OR4P4: variants seen among roughly 807,000 people sequenced by gnomAD.
OR4P4 encodes the protein olfactory receptor 4P4.
In OR4P4, 1 loss-of-function variant was observed where a neutral mutation model predicts 2.1. The observed-to-expected ratio is 0.47, with a 90% CI of 0.17 to 2.21. The LOEUF is 2.21. Ranked by LOEUF, OR4P4 falls within the 30% of genes most tolerant of loss-of-function variation. The probability of loss-of-function intolerance (pLI) is 0.27; values close to 1 mark genes in which losing one functional copy is unlikely to be tolerated. For synonymous variants in OR4P4, 129 were observed against 133.2 expected, an observed-to-expected ratio of 0.97 and a Z score of 0.22; for missense variants, 375 against 376.5, an observed-to-expected ratio of 1.00 and a Z score of 0.03.
At position 55,639,206 on chromosome 11, in the gene OR4P4, C is replaced by T; in HGVS notation, c.849C>T (p.Leu283=). The change falls in exon 2 of 2, where the codon CTC becomes CTT. Residue 283 remains leucine (L), a synonymous_variant. Coordinates refer to ENST00000641760, the Ensembl canonical transcript of OR4P4. ...TCATTGCTCCCATGTTCAACCCTCT[C>T]ATATACACGCTGAGAAACACAGAGA... 3.4e-6 allele frequency: 5 copies of T among 1,488,662 alleles called. 1 individual carries two copies. Among genetic ancestry groups the T allele is most frequent in the Non-Finnish European group, 4.6e-6 (5 of 1,093,674 alleles). 92.2% of individuals were successfully genotyped at this position (1,488,662 alleles called of 1,614,324 possible).
Position 55,636,585 on chromosome 11 carries a change from G to A in OR4P4, c.-31+1369G>A, listed in dbSNP as rs377569299. On this transcript the variant is annotated intron_variant, in intron 1 of 1. Transcript: ENST00000641760. ...CTTTCACATGGACATATGGTGAGAG[G>A]GTTATAAATTCAGACTTTGGAGTCA... Among the ~76,000 whole-genome samples the A allele has an allele frequency of 2.6e-4, 36 of 136,882 alleles. 4 individuals are homozygous for A. Among genetic ancestry groups the A allele is most frequent in the African/African-American group, 8.0e-4 (32 of 39,752 alleles). The allele number at this position is 136,882 out of a possible 152,430, so 89.8% of individuals were successfully genotyped here. A position where few individuals can be genotyped will look rare whatever the true frequency, so the allele number is the denominator to read the frequency against.
At chr11:55,639,065 C>T in exon 2 of OR4P4, 1 of 1,491,578 alleles carries the variant, frequency 6.7e-7, no homozygotes, top group Non-Finnish European at 9.1e-7. Flanking sequence ...AAGCTCTTGC[C>T]ACTTGTAGTT....
intron 1 of OR4P4, among the ~76,000 whole-genome samples, chr11:55,637,529 A>C (rs573223551): frequency 7.3e-6 from 1 of 137,552 alleles, no homozygotes; most frequent in African/African-American, 2.5e-5. Flanking sequence ...GTCTTCTTGA[A>C]ATTTCAATTT....
At chr11:55,638,238 G>A in intron 1 of OR4P4, 90 bp from the exon 2 acceptor site, 1 of 563,122 alleles carries the variant, frequency 1.8e-6, no homozygotes, top group South Asian at 2.8e-5. Context: ...CTTGAATGAG[G>A]TAAATTAAAT....
chr11:55,639,134 G>T lies in OR4P4; in HGVS notation c.777G>T (p.Pro259=), dbSNP rs757510641. 4.0e-6 allele frequency: 6 copies of T among 1,493,030 alleles called. 1 individual carries two copies. The highest frequency in any genetic ancestry group is 1.4e-5 in the African/African-American group (1 of 72,650). 92.5% of individuals were successfully genotyped at this position (1,493,030 alleles called of 1,614,324 possible). The change falls in exon 2 of 2, where the codon CCG becomes CCT. Residue 259 remains proline (P), a synonymous_variant. Coordinates refer to ENST00000641760, the Ensembl canonical transcript of OR4P4. ...CTGCATTGTTCATTTACATTAGACC[G>T]GTCACAACATTCTCAGAAGATAAAG...
exon 2 of OR4P4, chr11:55,639,445 T>A: frequency 1.9e-6 from 1 of 516,764 alleles, no homozygotes; most frequent in Non-Finnish European, 3.4e-6. Context: ...GACATCTCTT[T>A]AACAAATTGA....
chr11:55,637,416 A>G (rs1858401286), intron 1 of OR4P4, among the ~76,000 whole-genome samples: 1 of 138,272 alleles, frequency 7.2e-6, no homozygotes, highest in Non-Finnish European at 1.6e-5. Flanking sequence ...TTTCTTATTT[A>G]TTGGCAAAGA....
rs373141287 is a variant in OR4P4 at position 55,639,720 on chromosome 11, A to C, written c.*424A>C. The stretch of plus-strand genomic sequence containing the variant: ...ACAGCTCACGAATTTTTGCAAACTG[A>C]GCATGATTGTGAAATCAGCAACTGA... On this transcript the variant is annotated 3_prime_UTR_variant, in exon 2 of 2. Transcript: ENST00000641760. 117 of 146,674 alleles carry C rather than the reference A, an allele frequency of 8.0e-4. 11 individuals carry two copies. The highest frequency in any genetic ancestry group is 2.9e-3 in the African/African-American group (115 of 40,288). The allele number at this position is 146,674 out of a possible 1,614,324, so 9.1% of individuals were successfully genotyped here.
intron 1 of OR4P4, among the ~76,000 whole-genome samples, 170 bp from the exon 2 acceptor site, chr11:55,638,158 A>G (rs1205470466): frequency 1.5e-5 from 2 of 137,252 alleles, no homozygotes. Flanking sequence ...ATCATCTAGT[A>G]TATATATACA....
rs756894569 is a variant in OR4P4 at position 55,639,330 on chromosome 11, T to A, written c.*34T>A. ...TGCTTTTCATGCCGTGGTTCCCTGA[T>A]GAATGAGAAAAATTCACTCTCATCT... On this transcript the variant is annotated 3_prime_UTR_variant, in exon 2 of 2. Coordinates refer to ENST00000641760, the Ensembl canonical transcript of OR4P4. 4.3e-6 allele frequency: 5 copies of A among 1,159,450 alleles called. 1 individual carries two copies. The highest frequency in any genetic ancestry group is 6.0e-6 in the Non-Finnish European group (5 of 835,216). The allele number at this position is 1,159,450 out of a possible 1,614,324, so 71.8% of individuals were successfully genotyped here. A position where few individuals can be genotyped will look rare whatever the true frequency, so the allele number is the denominator to read the frequency against.
chr11:55,638,896 A>T, exon 2 of OR4P4: 1 of 1,493,214 alleles, frequency 6.7e-7, no homozygotes, highest in Non-Finnish European at 9.1e-7. Flanking sequence ...TGTGATGTGT[A>T]TCCTTTGCTG....
Position 55,639,028 on chromosome 11 carries a change from G to C in OR4P4, c.671G>C (p.Arg224Thr), listed in dbSNP as rs1255764469. 3.3e-6 allele frequency: 5 copies of C among 1,492,552 alleles called. No homozygotes were observed. In the Admixed American group the frequency reaches 8.0e-5, roughly 24 times the overall value. The allele number at this position is 1,492,552 out of a possible 1,614,324, so 92.5% of individuals were successfully genotyped here. Residue 224 changes from arginine to threonine, a missense_variant, in exon 2 of 2, where the codon AGA becomes ACA. Transcript: ENST00000641760. ...TATGTTTTTATATTGTATACCATCAGAGCATACTCTGCAGAGAGACGCAGC... is the reference window on the plus strand; with the variant it reads ...TATGTTTTTATATTGTATACCATCACAGCATACTCTGCAGAGAGACGCAGC...
chr11:55,639,526 A>G (rs1858434519), exon 2 of OR4P4: 1 of 342,954 alleles, frequency 2.9e-6, no homozygotes, highest in African/African-American at 2.1e-5. Flanking sequence ...ACATGAAATA[A>G]CCAGAAAATT....
In OR4P4 at chr11:55,640,153, GATAATA is replaced by G. The variant is rs200011394; in HGVS notation, c.*875_*880del. The G allele has an allele frequency of 3.3e-4, 44 of 131,590 alleles. 4 individuals are homozygous for G. Among genetic ancestry groups the G allele is most frequent in the Middle Eastern group, 4.0e-3 (1 of 252 alleles). The allele number at this position is 131,590 out of a possible 1,614,324, so 8.2% of individuals were successfully genotyped here. A position where few individuals can be genotyped will look rare whatever the true frequency, so the allele number is the denominator to read the frequency against. The stretch of plus-strand genomic sequence containing the variant: ...CGTCTGAAATAATAATAATAATAAT[GATAATA>G]ATAATAATAATAATAATGTTTTTAT... On this transcript the variant is annotated 3_prime_UTR_variant, in exon 2 of 2. Transcript: ENST00000641760.
exon 2 of OR4P4, chr11:55,638,788 T>C (rs754516549): frequency 1.3e-6 from 2 of 1,492,314 alleles, no homozygotes; most frequent in South Asian, 1.2e-5. Flanking sequence ...ACAATCATCA[T>C]AGTTTGTTGT....
rs374363580 is a variant in OR4P4 at position 55,638,986 on chromosome 11, T to C, written c.629T>C (p.Val210Ala). Reference sequence around the variant, plus strand: ...GGCTTAATTGCTTTGGTGACATTTGTTGTCTTGTTGTTGTCTTATGTTTTT... The same window carrying C: ...GGCTTAATTGCTTTGGTGACATTTGCTGTCTTGTTGTTGTCTTATGTTTTT... Residue 210 changes from valine to alanine, a missense_variant, in exon 2 of 2, where the codon GTT (valine) becomes GCT (alanine). Val to Ala is a moderately conservative substitution (Grantham distance 64). Coordinates refer to ENST00000641760, the Ensembl canonical transcript of OR4P4. 58 of 1,488,710 alleles carry C rather than the reference T, an allele frequency of 3.9e-5. 14 individuals carry two copies. The highest frequency in any genetic ancestry group is 3.8e-4 in the Middle Eastern group (2 of 5,274). The allele number at this position is 1,488,710 out of a possible 1,614,324, so 92.2% of individuals were successfully genotyped here.
In OR4P4 at chr11:55,639,109, C is replaced by T. The variant is rs767830410; in HGVS notation, c.752C>T (p.Pro251Leu). The change falls in exon 2 of 2, where the codon CCT becomes CTT. Residue 251 changes from proline (P) to leucine (L), a missense_variant. By Grantham distance (98) the Pro-to-Leu change is moderately conservative. Transcript: ENST00000641760. Reference sequence around the variant, plus strand: ...ATTGTTGTGGTCCTGTTTTTTGCACCTGCATTGTTCATTTACATTAGACCG... The same window carrying T: ...ATTGTTGTGGTCCTGTTTTTTGCACTTGCATTGTTCATTTACATTAGACCG... 4 of 1,492,842 alleles carry T rather than the reference C, an allele frequency of 2.7e-6. 1 individual carries two copies. Among genetic ancestry groups the T allele is most frequent in the Non-Finnish European group, 3.6e-6 (4 of 1,097,978 alleles). 92.5% of individuals were successfully genotyped at this position (1,492,842 alleles called of 1,614,324 possible). A position where few individuals can be genotyped will look rare whatever the true frequency, so the allele number is the denominator to read the frequency against.
intron 1 of OR4P4, among the ~76,000 whole-genome samples, chr11:55,637,659 T>C (rs1313540773): frequency 7.2e-6 from 1 of 138,198 alleles, no homozygotes; most frequent in Non-Finnish European, 1.6e-5. Context: ...TGAAAATGTA[T>C]ATTATAAATG....
chr11:55,638,851 C>T, exon 2 of OR4P4: 1 of 1,493,058 alleles, frequency 6.7e-7, no homozygotes, highest in Non-Finnish European at 9.1e-7. Context: ...ATCTTTGTAC[C>T]ATTTTGTGGC....
Sources: gnomAD v4.1 joint callset for allele counts (sites outside exome capture counted in the v4.1 genomes callset) on GRCh38, gnomAD v4.1.1 for gene constraint, MANE v1.5 for transcripts, NCBI Gene and HGNC (gene_info 2026-07-23, HGNC 2026-07-21) for gene names.